The following MAD1L1 variants were observed in gnomAD, a reference collection of about 807,000 sequenced individuals.
MAD1L1 encodes mitotic arrest deficient 1 like 1.
MAD1L1 carries 95 observed loss-of-function variants against 96.9 expected under a neutral mutation model. The observed-to-expected ratio is 0.98, with a 90% CI of 0.83 to 1.16. The LOEUF is 1.16. Ranked by LOEUF, MAD1L1 falls within the 50% of genes most tolerant of loss-of-function variation. MAD1L1 has a pLI of 0.00. For missense variants in MAD1L1, 1,007 were observed against 954.4 expected, an observed-to-expected ratio of 1.06 and a Z score of -0.73; for synonymous variants, 473 against 396.6, an observed-to-expected ratio of 1.19 and a Z score of -2.29.
intron 10 of MAD1L1, among the ~76,000 whole-genome samples, chr7:2,169,622 A>G (rs1385294600): frequency 6.6e-6 from 1 of 152,230 alleles, no homozygotes; most frequent in Non-Finnish European, 1.5e-5. Flanking sequence ...GGTCAGGTGC[A>G]TGGAGTTTAA....
At chr7:2,159,427 C>A (rs1789993842) in intron 10 of MAD1L1, among the ~76,000 whole-genome samples, 1 of 152,228 alleles carries the variant, frequency 6.6e-6, no homozygotes, top group African/African-American at 2.4e-5. Context: ...TGGAATGTCA[C>A]CTGAGCCCTG....
At chr7:1,940,935 C>CCAGACCTCACCCTCCTCTTCCTCCCCCCG (rs1778932268) in intron 16 of MAD1L1, among the ~76,000 whole-genome samples, 1 of 93,866 alleles carries the variant, frequency 1.1e-5, no homozygotes, top group African/African-American at 4.1e-5. Context: ...CCCTCCTCCC[C>CCAGACCTCACCCTCCTCTTCCTCCCCCCG]CAGGCCTCAC....
At chr7:2,007,240 C>T (rs1279879109) in intron 13 of MAD1L1, among the ~76,000 whole-genome samples, 1 of 152,214 alleles carries the variant, frequency 6.6e-6, no homozygotes, top group Non-Finnish European at 1.5e-5. Context: ...GCTAAATGTG[C>T]TGCTGCCCCG....
intron 6 of MAD1L1, among the ~76,000 whole-genome samples, 162 bp downstream of exon 6, chr7:2,219,170 G>C (rs1384298770): frequency 6.6e-6 from 1 of 152,140 alleles, no homozygotes; most frequent in African/African-American, 2.4e-5. Flanking sequence ...TGGGCTCACG[G>C]TCCTGGCTCC....
chr7:2,180,183 G>A (rs1178679218), intron 10 of MAD1L1, among the ~76,000 whole-genome samples: 1 of 152,166 alleles, frequency 6.6e-6, no homozygotes, highest in Admixed American at 6.5e-5. Context: ...GAGATTCTAA[G>A]GGGCCATGTC....
chr7:1,889,453 C>T (rs113862945), intron 18 of MAD1L1, among the ~76,000 whole-genome samples: 4,765 of 152,312 alleles, frequency 0.031, 174 homozygotes, highest in Admixed American at 0.095. Flanking sequence ...AGCTCTGGAC[C>T]CTAGGCCAGG....
intron 15 of MAD1L1, among the ~76,000 whole-genome samples, chr7:1,978,501 C>T (rs1398902371): frequency 6.6e-6 from 1 of 152,216 alleles, no homozygotes; most frequent in Non-Finnish European, 1.5e-5. Flanking sequence ...GCAGCCAGTG[C>T]TTTCTCCAGT....
At chr7:1,916,015 G>C (rs553182593) in intron 17 of MAD1L1, among the ~76,000 whole-genome samples, 140 of 152,354 alleles carry the variant, frequency 9.2e-4, no homozygotes, top group African/African-American at 3.0e-3. Flanking sequence ...TAGGTATTTT[G>C]CAGAAGATGA....
chr7:2,072,700 G>C (rs1032695486), intron 11 of MAD1L1, among the ~76,000 whole-genome samples: 1 of 152,240 alleles, frequency 6.6e-6, no homozygotes, highest in Admixed American at 6.5e-5. Context: ...AATGTGCAAA[G>C]GCAAGAATGT....
At chr7:2,213,019 T>G (rs142968093) in intron 10 of MAD1L1, among the ~76,000 whole-genome samples, 193 bp downstream of exon 10, 20 of 152,348 alleles carry the variant, frequency 1.3e-4, no homozygotes, top group Admixed American at 8.5e-4. Context: ...TTCAGCAGGA[T>G]GAGTCACTGG....
chr7:2,205,993 G>T (rs549419904), intron 10 of MAD1L1, among the ~76,000 whole-genome samples: 1 of 152,252 alleles, frequency 6.6e-6, no homozygotes, highest in South Asian at 2.1e-4. Flanking sequence ...TTAGCCGGGT[G>T]TGGTGGTGCA....
chr7:1,963,208 C>A (rs570910887), intron 15 of MAD1L1, among the ~76,000 whole-genome samples: 2 of 152,158 alleles, frequency 1.3e-5, no homozygotes, highest in Non-Finnish European at 2.9e-5. Context: ...CGCAAGGGAA[C>A]GTATAAACTG....
chr7:1,960,227 A>G (rs1046848031), intron 15 of MAD1L1, among the ~76,000 whole-genome samples: 18 of 150,962 alleles, frequency 1.2e-4, no homozygotes, highest in African/African-American at 4.4e-4. Flanking sequence ...AAAATACCAA[A>G]GTGGATTGAA....
chr7:2,108,207 T>C (rs765915777), intron 11 of MAD1L1, among the ~76,000 whole-genome samples: 6 of 152,242 alleles, frequency 3.9e-5, no homozygotes, highest in Non-Finnish European at 5.9e-5. Context: ...CTGATCACTA[T>C]TCAGGCCCCA....
intron 18 of MAD1L1, among the ~76,000 whole-genome samples, chr7:1,887,848 CGT>C (rs1189217900): frequency 1.1e-3 from 93 of 85,194 alleles, no homozygotes; most frequent in African/African-American, 2.5e-3. Context: ...GCGTCCTGTG[CGT>C]GTGTGTGTGC....
At chr7:1,853,427 C>T (rs117287790) in intron 18 of MAD1L1, among the ~76,000 whole-genome samples, 2,339 of 152,300 alleles carry the variant, frequency 0.015, 25 homozygotes, top group Non-Finnish European at 0.022. Flanking sequence ...CTTCATTCAA[C>T]AAACACACGC....
At chr7:2,136,798 G>A (rs1788775326) in intron 11 of MAD1L1, among the ~76,000 whole-genome samples, 2 of 152,356 alleles carry the variant, frequency 1.3e-5, no homozygotes, top group East Asian at 3.9e-4. Context: ...TGGCACCGGA[G>A]CTGCTCTCCA....
chr7:1,838,913 G>C (rs1051288701), intron 18 of MAD1L1: 1 of 464,458 alleles, frequency 2.2e-6, no homozygotes, highest in African/African-American at 2.0e-5. Context: ...GCGGGGAGGA[G>C]GCTGGGGACA....
chr7:1,937,174 C>A (rs764498542), intron 16 of MAD1L1, among the ~76,000 whole-genome samples: 4 of 152,198 alleles, frequency 2.6e-5, no homozygotes, highest in Non-Finnish European at 4.4e-5. Flanking sequence ...AGGGGACATG[C>A]GGCCTTTGCT....
Sources: gnomAD v4.1 joint callset for allele counts (sites outside exome capture counted in the v4.1 genomes callset) on GRCh38, gnomAD v4.1.1 for gene constraint, MANE v1.5 for transcripts, NCBI Gene and HGNC (gene_info 2026-07-23, HGNC 2026-07-21) for gene names.